Variants in AGBL1 observed in about 807,000 individuals in gnomAD.
The protein encoded by AGBL1 is cytosolic carboxypeptidase 4.
Under a neutral mutation model 118.9 loss-of-function variants are expected in AGBL1, and 130 were observed. The ratio of observed to expected loss-of-function variants is 1.09; its 90% confidence interval spans 0.95 to 1.26. The LOEUF is 1.26. Among genes scored for constraint, AGBL1 ranks in the 50% most tolerant of loss-of-function variants. The pLI is 0.00. For synonymous variants in AGBL1, 555 were observed against 478.9 expected, an observed-to-expected ratio of 1.16 and a Z score of -2.08; for missense variants, 1,584 against 1,298.1, an observed-to-expected ratio of 1.22 and a Z score of -3.38.
intron 22 of AGBL1, among the ~76,000 whole-genome samples, chr15:86,825,437 A>G (rs1285168284): frequency 7.1e-6 from 1 of 140,922 alleles, no homozygotes. Context: ...TGCAAGCCAG[A>G]TATCTGGGAA....
At chr15:86,460,360 G>T (rs749898329) in intron 18 of AGBL1, among the ~76,000 whole-genome samples, 42 of 149,202 alleles carry the variant, frequency 2.8e-4, no homozygotes, top group Non-Finnish European at 5.0e-4. Flanking sequence ...GCCAGGCGTG[G>T]TGATAGGTAC....
Position 86,567,673 on chromosome 15 carries a change from G to T in AGBL1, c.2994+13136G>T, listed in dbSNP as rs12592903. On this transcript the variant is annotated intron_variant, in intron 21 of 22. Transcript: ENST00000614907. ...ATCTTTTTTTTGATCTTTGAATGGG[G>T]GAGGAGGTGTCTTTCTTTCATTAAT... 1.1e-3 allele frequency among the ~76,000 whole-genome samples: 168 copies of T among 152,276 alleles called. 5 individuals are homozygous for T. The East Asian group carries it at 0.03, about 27-fold the overall frequency.
chr15:86,254,328 T>A (rs2078861704), intron 7 of AGBL1, among the ~76,000 whole-genome samples: 1 of 152,222 alleles, frequency 6.6e-6, no homozygotes, highest in South Asian at 2.1e-4. Context: ...ATCTCCACTT[T>A]GCAGATGAAG....
intron 21 of AGBL1, among the ~76,000 whole-genome samples, chr15:86,660,673 G>T: frequency 6.6e-6 from 1 of 151,900 alleles, no homozygotes. Flanking sequence ...TTGCTTTTAA[G>T]ACCTGAATTA....
chr15:86,094,936 G>C (rs953760636), intron 1 of AGBL1, among the ~76,000 whole-genome samples: 1 of 152,164 alleles, frequency 6.6e-6, no homozygotes, highest in Non-Finnish European at 1.5e-5. Flanking sequence ...TTCTACTTCA[G>C]ATGCCAATCA....
intron 18 of AGBL1, among the ~76,000 whole-genome samples, chr15:86,460,795 G>A (rs1042226104): frequency 6.6e-6 from 1 of 152,152 alleles, no homozygotes; most frequent in Non-Finnish European, 1.5e-5. Context: ...CTGGTTCTGT[G>A]CCATTGACAC....
At chr15:86,113,217 C>CTTTTCTTTTG (rs1555430674) in intron 1 of AGBL1, among the ~76,000 whole-genome samples, 2 of 50,786 alleles carry the variant, frequency 3.9e-5, no homozygotes, top group Non-Finnish European at 6.4e-5. Flanking sequence ...TTTTCTTTTT[C>CTTTTCTTTTG]TTTTCTTTTC....
chr15:86,332,162 A>T (rs1013278619), intron 17 of AGBL1, among the ~76,000 whole-genome samples: 2 of 152,222 alleles, frequency 1.3e-5, no homozygotes, highest in Non-Finnish European at 2.9e-5. Context: ...AAAGAAGGAC[A>T]AAAAAGGGCA....
rs1415041882 is a variant in AGBL1, at chr15:86,908,626, T to A, written c.*1332T>A. The A allele has an allele frequency of 6.6e-6, 1 of 152,118 alleles. No individual in the cohort carries two copies. Among genetic ancestry groups the A allele is most frequent in the African/African-American group, 2.4e-5 (1 of 41,392 alleles). 9.4% of individuals were successfully genotyped at this position (152,118 alleles called of 1,614,324 possible). On this transcript the variant is annotated 3_prime_UTR_variant, in exon 23 of 23. Coordinates refer to ENST00000614907, the MANE Select transcript of AGBL1 (RefSeq NM_001386094.1). Reference sequence around the variant, plus strand: ...GGAAGGAGATTACAGAGGAGCAGAATCTAGGAGGCTGGAATCACTTAAAAC... The same window carrying A: ...GGAAGGAGATTACAGAGGAGCAGAAACTAGGAGGCTGGAATCACTTAAAAC...
At chr15:86,783,243 G>T (rs1230799114) in intron 22 of AGBL1, among the ~76,000 whole-genome samples, 1 of 152,030 alleles carries the variant, frequency 6.6e-6, no homozygotes, top group Non-Finnish European at 1.5e-5. Context: ...CTTCTACCAC[G>T]AGTCCTAAGA....
At chr15:86,113,643 AT>A (rs1412701589) in intron 1 of AGBL1, among the ~76,000 whole-genome samples, 1 of 151,884 alleles carries the variant, frequency 6.6e-6, no homozygotes, top group Non-Finnish European at 1.5e-5. Context: ...CTGCATTACC[AT>A]TCCCCATCCT....
intron 18 of AGBL1, among the ~76,000 whole-genome samples, chr15:86,514,489 T>C (rs2083093685): frequency 6.6e-6 from 1 of 152,194 alleles, no homozygotes; most frequent in Non-Finnish European, 1.5e-5. Flanking sequence ...TTCTTCTTAC[T>C]TCGTTTAGTG....
At chr15:86,744,993 G>A (rs1045218731) in intron 22 of AGBL1, among the ~76,000 whole-genome samples, 1 of 152,056 alleles carries the variant, frequency 6.6e-6, no homozygotes, top group Non-Finnish European at 1.5e-5. Context: ...GCTAAAAGCG[G>A]GGCCAGGAAG....
chr15:86,227,214 G>T (rs890871543), intron 6 of AGBL1, among the ~76,000 whole-genome samples: 1 of 152,212 alleles, frequency 6.6e-6, no homozygotes, highest in Non-Finnish European at 1.5e-5. Context: ...GATTGGTGGA[G>T]AACTGCAATA....
At chr15:86,597,481 C>G (rs909500961) in intron 21 of AGBL1, among the ~76,000 whole-genome samples, 2 of 152,120 alleles carry the variant, frequency 1.3e-5, no homozygotes, top group Non-Finnish European at 2.9e-5. Context: ...CCTTTCCCTT[C>G]ATCACCCCTA....
intron 5 of AGBL1, among the ~76,000 whole-genome samples, chr15:86,185,052 C>T (rs560430054): frequency 6.6e-6 from 1 of 151,942 alleles, no homozygotes; most frequent in African/African-American, 2.4e-5. Context: ...AGAACTCAAA[C>T]AAATTTACAA....
In AGBL1 at chr15:86,912,567, G is replaced by A. The variant is rs1313476731; in HGVS notation, c.*5273G>A. ...AATATTTGAAATTAACCTGCTCCCT[G>A]AGTTACAAGCTCACCTTGAGGGCTG... is the stretch of plus-strand genomic sequence containing the variant. On this transcript the variant is annotated 3_prime_UTR_variant, in exon 23 of 23. Transcript: ENST00000614907. 1 of 151,992 alleles carries A rather than the reference G, an allele frequency of 6.6e-6. No individual in the cohort carries two copies. Among genetic ancestry groups the A allele is most frequent in the Non-Finnish European group, 1.5e-5 (1 of 68,022 alleles). The allele number at this position is 151,992 out of a possible 1,614,324, so 9.4% of individuals were successfully genotyped here.
At chr15:86,367,392 A>G (rs1434396457) in intron 17 of AGBL1, among the ~76,000 whole-genome samples, 1 of 152,154 alleles carries the variant, frequency 6.6e-6, no homozygotes, top group African/African-American at 2.4e-5. Flanking sequence ...CATCTTTCCT[A>G]TTAGGTCAAA....
chr15:86,192,137 C>G (rs541382809), intron 5 of AGBL1, among the ~76,000 whole-genome samples: 5 of 151,548 alleles, frequency 3.3e-5, no homozygotes, highest in Non-Finnish European at 7.4e-5. Context: ...CACACCCACA[C>G]ACATGCACGC....
Sources: gnomAD v4.1 joint callset for allele counts (sites outside exome capture counted in the v4.1 genomes callset) on GRCh38, gnomAD v4.1.1 for gene constraint, MANE v1.5 for transcripts, NCBI Gene and HGNC (gene_info 2026-07-23, HGNC 2026-07-21) for gene names.